RCOR1: variants seen among roughly 807,000 people sequenced by gnomAD.
The protein encoded by RCOR1 is REST corepressor.
A neutral mutation model predicts 64.0 loss-of-function variants in RCOR1; 12 were observed. That is an observed-to-expected ratio of 0.19 (90% CI 0.12 to 0.30). The LOEUF (loss-of-function observed/expected upper bound fraction) is 0.30, where lower values mean the gene tolerates loss of function less well. Among genes scored for constraint, RCOR1 ranks in the 10% least tolerant of loss-of-function variants. The probability of loss-of-function intolerance (pLI) is 1.00; values close to 1 mark genes in which losing one functional copy is unlikely to be tolerated. For synonymous variants in RCOR1, 279 were observed against 227.2 expected, an observed-to-expected ratio of 1.23 and a Z score of -2.05; for missense variants, 502 against 621.2, an observed-to-expected ratio of 0.81 and a Z score of 2.04.
intron 5 of RCOR1, 27 bp downstream of exon 5, chr14:102,707,539 A>AT (rs544046280): frequency 2.3e-5 from 36 of 1,555,226 alleles, no homozygotes; most frequent in Admixed American, 6.2e-5. Context: ...ACTGAGTTCT[A>AT]TTTTTTTTCT....
chr14:102,604,693 T>C (rs908716253), intron 2 of RCOR1, among the ~76,000 whole-genome samples: 15 of 152,190 alleles, frequency 9.9e-5, no homozygotes, highest in Non-Finnish European at 1.5e-4. Context: ...CAAGATAGAC[T>C]GTTAATTTTA....
chr14:102,600,614 A>T (rs965987856), intron 2 of RCOR1, among the ~76,000 whole-genome samples: 46 of 133,762 alleles, frequency 3.4e-4, no homozygotes, highest in Admixed American at 1.1e-3. Context: ...TCTGTTCCCC[A>T]GGCTGGAGTG....
At chr14:102,688,175 A>G (rs1895460804) in intron 3 of RCOR1, among the ~76,000 whole-genome samples, 1 of 152,150 alleles carries the variant, frequency 6.6e-6, no homozygotes, top group South Asian at 2.1e-4. Context: ...CATGTTGGCC[A>G]GGCTGGTCTT....
Position 102,593,001 on chromosome 14 carries a change from G to A in RCOR1, c.115G>A (p.Ala39Thr), listed in dbSNP as rs1893162129. ...AASAAASAAC[A>T]SPAATAASGA... ...CTCCGCCGCCGCCTCGGCCGCCTGC[G>A]CCTCGCCAGCCGCCACTGCCGCCTC... The change falls in exon 1 of 12, where the codon GCC (alanine) becomes ACC (threonine). Residue 39 changes from alanine to threonine, a missense_variant. Ala to Thr is a moderately conservative substitution (Grantham distance 58). This residue lies in a region of RCOR1 where 242 missense variants were observed against 204.9 expected (regional missense o/e 1.18). Transcript: ENST00000262241. 8.4e-7 allele frequency: 1 copy of A among 1,186,506 alleles called. No homozygotes were observed. The highest frequency in any genetic ancestry group is 3.5e-5 in the South Asian group (1 of 28,686). 73.5% of individuals were successfully genotyped at this position (1,186,506 alleles called of 1,614,324 possible).
chr14:102,676,578 G>A (rs1895164276), intron 2 of RCOR1, among the ~76,000 whole-genome samples: 1 of 84,066 alleles, frequency 1.2e-5, no homozygotes, highest in Non-Finnish European at 2.4e-5. Context: ...CAGTAGGGGC[G>A]GCCGGGCAGA....
intron 2 of RCOR1, among the ~76,000 whole-genome samples, chr14:102,659,518 A>G (rs1179594538): frequency 6.6e-6 from 1 of 152,230 alleles, no homozygotes; most frequent in Non-Finnish European, 1.5e-5. Flanking sequence ...ATAATGTAAT[A>G]AAGTGTGGTC....
chr14:102,680,418 G>A (rs571174073), intron 2 of RCOR1, among the ~76,000 whole-genome samples: 2 of 151,988 alleles, frequency 1.3e-5, no homozygotes, highest in East Asian at 3.9e-4. Context: ...TTCCCTTTGG[G>A]GTCCCTCCCC....
At chr14:102,698,737 C>G (rs1895694362) in intron 3 of RCOR1, among the ~76,000 whole-genome samples, 1 of 152,220 alleles carries the variant, frequency 6.6e-6, no homozygotes, top group African/African-American at 2.4e-5. Context: ...TGCATCTCAT[C>G]TCCTCCAGTA....
At chr14:102,705,547 C>G (rs1895834473) in intron 4 of RCOR1, among the ~76,000 whole-genome samples, 1 of 152,160 alleles carries the variant, frequency 6.6e-6, no homozygotes, top group South Asian at 2.1e-4. Flanking sequence ...TGGGCTCAGT[C>G]AAGCAGTCCT....
chr14:102,681,143 A>T (rs866419306), intron 2 of RCOR1, among the ~76,000 whole-genome samples: 59 of 152,294 alleles, frequency 3.9e-4, no homozygotes, highest in Middle Eastern at 3.4e-3. Flanking sequence ...TGTTATATTT[A>T]GTTGCATTTT....
chr14:102,688,476 G>A (rs1895466447), intron 3 of RCOR1, among the ~76,000 whole-genome samples: 1 of 152,158 alleles, frequency 6.6e-6, no homozygotes, highest in South Asian at 2.1e-4. Context: ...ACAGTCCTGT[G>A]GTTTAGAGAA....
intron 3 of RCOR1, 33 bp from the exon 4 acceptor site, chr14:102,701,245 G>A (rs761944449): frequency 1.9e-6 from 3 of 1,579,948 alleles, no homozygotes; most frequent in Non-Finnish European, 2.6e-6. Context: ...CTGTCCCTCA[G>A]TTTGTTTAAT....
At chr14:102,719,864 C>G (rs1490585325) in intron 8 of RCOR1, among the ~76,000 whole-genome samples, 1 of 152,144 alleles carries the variant, frequency 6.6e-6, no homozygotes, top group African/African-American at 2.4e-5. Context: ...ATATTCTAAA[C>G]CTTGACTTTT....
chr14:102,722,147 T>C, intron 10 of RCOR1, 40 bp from the exon 11 acceptor site: 1 of 1,521,450 alleles, frequency 6.6e-7, no homozygotes, highest in Middle Eastern at 1.7e-4. Context: ...AAAAAATGTT[T>C]TTCTCTTGTA....
intron 2 of RCOR1, among the ~76,000 whole-genome samples, chr14:102,610,681 G>A (rs1028495398): frequency 1.2e-4 from 18 of 152,026 alleles, no homozygotes; most frequent in Non-Finnish European, 2.5e-4. Context: ...TCCTGCCTTA[G>A]CCTCCTGAGT....
intron 8 of RCOR1, 116 bp from the exon 9 acceptor site, chr14:102,720,891 C>T: frequency 1.7e-6 from 1 of 584,694 alleles, no homozygotes; most frequent in Non-Finnish European, 3.0e-6. Context: ...TCAGCTACAA[C>T]AGATGTTAGT....
At chr14:102,706,466 A>G (rs1192519737) in intron 4 of RCOR1, among the ~76,000 whole-genome samples, 2 of 152,198 alleles carry the variant, frequency 1.3e-5, no homozygotes, top group Admixed American at 1.3e-4. Flanking sequence ...ACAGGTTGTA[A>G]GAGACAAGGA....
intron 2 of RCOR1, chr14:102,658,798 G>A (rs1894775665): frequency 3.6e-6 from 1 of 279,742 alleles, no homozygotes; most frequent in Non-Finnish European, 5.4e-6. Context: ...TAATTATGAT[G>A]TCTCCCCAGT....
chr14:102,606,118 G>A (rs1036860121), intron 2 of RCOR1, among the ~76,000 whole-genome samples: 1 of 152,072 alleles, frequency 6.6e-6, no homozygotes, highest in African/African-American at 2.4e-5. Context: ...TAGAAATAGG[G>A]TTTCATCATA....
Sources: gnomAD v4.1 joint callset for allele counts (sites outside exome capture counted in the v4.1 genomes callset) on GRCh38, gnomAD v4.1.1 for gene constraint, gnomAD v4.1.1 regional missense constraint, MANE v1.5 for transcripts, NCBI Gene and HGNC (gene_info 2026-07-23, HGNC 2026-07-21) for gene names.